Variants in ADAMTS17 observed in about 807,000 individuals in gnomAD.
ADAMTS17 encodes the protein ADAM metallopeptidase with thrombospondin type 1 motif 17, also known as A disintegrin and metalloproteinase with thrombospondin motifs 17.
In ADAMTS17, 113 loss-of-function variants were observed where a neutral mutation model predicts 141.5. That is an observed-to-expected ratio of 0.80 (90% CI 0.69 to 0.93). The LOEUF is 0.93. Ranked by LOEUF, ADAMTS17 falls within the 40% of genes least tolerant of loss-of-function variation. The pLI is 0.00. For missense variants in ADAMTS17, 1,659 were observed against 1,517.9 expected, an observed-to-expected ratio of 1.09 and a Z score of -1.54; for synonymous variants, 768 against 630.6, an observed-to-expected ratio of 1.22 and a Z score of -3.27.
chr15:100,123,391 C>A (rs1014944891), intron 12 of ADAMTS17, among the ~76,000 whole-genome samples: 1 of 152,220 alleles, frequency 6.6e-6, no homozygotes, highest in African/African-American at 2.4e-5. Flanking sequence ...GTTATCCCTT[C>A]CCAGGAGCTG....
intron 20 of ADAMTS17, among the ~76,000 whole-genome samples, chr15:99,988,170 A>G (rs1308334277): frequency 6.6e-6 from 1 of 151,900 alleles, no homozygotes; most frequent in Non-Finnish European, 1.5e-5. Context: ...GTCCCACCAA[A>G]TCTCATGCCG....
At chr15:100,296,581 GTGTGTGTGTGTGTGTGTGTGTGTA>G (rs2044825950) in intron 3 of ADAMTS17, among the ~76,000 whole-genome samples, 1 of 130,732 alleles carries the variant, frequency 7.6e-6, no homozygotes, top group Non-Finnish European at 1.5e-5. Flanking sequence ...GTGAGGGGGG[GTGTGTGTGTGTGTGTGTGTGTGTA>G]TGTGTGTGTG....
rs2044296253 is a variant in ADAMTS17 at position 100,281,857 on chromosome 15, C to A, written c.617-456G>T. 3.9e-5 allele frequency among the ~76,000 whole-genome samples: 6 copies of A among 152,178 alleles called. No homozygotes were observed. In the South Asian group the frequency reaches 1.2e-3, roughly 32 times the overall value. On this transcript the variant is annotated intron_variant, in intron 3 of 21. Coordinates refer to ENST00000268070, the MANE Select transcript of ADAMTS17 (RefSeq NM_139057.4). ...CCTGGGGGCTGGCATCCCAGTAACT[C>A]TTCTTGGACTCAGGAATCAGGAGCC...
chr15:100,202,123 C>G (rs72755249), intron 7 of ADAMTS17, among the ~76,000 whole-genome samples: 5,237 of 152,292 alleles, frequency 0.034, 111 homozygotes, highest in Middle Eastern at 0.075. Flanking sequence ...ACCACGGGCT[C>G]TGATGCAGAA....
chr15:100,068,725 G>A (rs2033742653), intron 15 of ADAMTS17, among the ~76,000 whole-genome samples: 1 of 152,132 alleles, frequency 6.6e-6, no homozygotes, highest in Non-Finnish European at 1.5e-5. Context: ...CAAACAGAAA[G>A]GATATCCACA....
rs77131683 is a variant in ADAMTS17 at position 100,189,363 on chromosome 15, G to A, written c.1181+9955C>T. ...GCTGAGTAAGCCGAGTGTGGACCAA[G>A]CAGCTGGCAGGAAGTTGGCTGCCTT... On this transcript the variant is annotated intron_variant, in intron 8 of 21. Coordinates refer to ENST00000268070, the MANE Select transcript of ADAMTS17 (RefSeq NM_139057.4). 7.2e-3 allele frequency among the ~76,000 whole-genome samples: 1,090 copies of A among 152,308 alleles called. 19 individuals are homozygous for A. The highest frequency in any genetic ancestry group is 0.024 in the African/African-American group (994 of 41,556).
intron 10 of ADAMTS17, among the ~76,000 whole-genome samples, chr15:100,141,248 T>C (rs140414213): frequency 7.2e-5 from 11 of 152,296 alleles, no homozygotes; most frequent in Non-Finnish European, 1.3e-4. Context: ...GCGGGAAGGT[T>C]TGAGCTGCTC....
rs2039903178 is a variant in ADAMTS17, at chr15:100,165,269, G to C, written c.1182-9949C>G. Among the ~76,000 whole-genome samples, 4 of 152,160 alleles carry C rather than the reference G, an allele frequency of 2.6e-5. No individual in the cohort carries two copies. The South Asian group carries it at 8.3e-4, about 32-fold the overall frequency. On this transcript the variant is annotated intron_variant, in intron 8 of 21. Transcript: ENST00000268070. ...CCTTTCTCCACTCCATCAGCTCTCAGAGCACAGCTGGACACAGGACTGGGA... is the reference window on the plus strand; with the variant it reads ...CCTTTCTCCACTCCATCAGCTCTCACAGCACAGCTGGACACAGGACTGGGA...
intron 15 of ADAMTS17, among the ~76,000 whole-genome samples, chr15:100,088,921 A>G (rs1373228417): frequency 6.6e-6 from 1 of 152,150 alleles, no homozygotes; most frequent in Non-Finnish European, 1.5e-5. Context: ...TTCAGGACAT[A>G]GGCATGGGCA....
At position 100,117,011 on chromosome 15, in the gene ADAMTS17, G is replaced by C; in HGVS notation, c.1724C>G (p.Pro575Arg). The C allele has an allele frequency of 1.2e-6, 2 of 1,608,248 alleles. No individual in the cohort carries two copies. The highest frequency in any genetic ancestry group is 1.7e-6 in the Non-Finnish European group (2 of 1,177,524). ...FRQRKCDNPP[P>R]GPGGTHCPGA... ...CGGGCAGTGTGTGCCTCCAGGCCCAGGGCTAGAAGGAAGAAGAAGGTCTGT... is the reference window on the plus strand; with the variant it reads ...CGGGCAGTGTGTGCCTCCAGGCCCACGGCTAGAAGGAAGAAGAAGGTCTGT... Residue 575 changes from proline (P) to arginine (R), a missense_variant and splice_region_variant, in exon 13 of 22, where the codon CCT (proline) becomes CGT (arginine). By Grantham distance (103) the Pro-to-Arg change is moderately radical. Coordinates refer to ENST00000268070, the MANE Select transcript of ADAMTS17 (RefSeq NM_139057.4).
intron 18 of ADAMTS17, among the ~76,000 whole-genome samples, chr15:100,043,993 G>A (rs575733187): frequency 5.3e-5 from 8 of 152,068 alleles, no homozygotes; most frequent in African/African-American, 1.7e-4. Flanking sequence ...ATGTCACTTT[G>A]TTTTGTAGGT....
chr15:100,285,199 T>A (rs1234323083), intron 3 of ADAMTS17, among the ~76,000 whole-genome samples: 1 of 152,242 alleles, frequency 6.6e-6, no homozygotes, highest in Non-Finnish European at 1.5e-5. Flanking sequence ...ATTTTATGTA[T>A]TTATGTAAGA....
intron 15 of ADAMTS17, among the ~76,000 whole-genome samples, chr15:100,070,406 T>C (rs376495521): frequency 2.7e-5 from 4 of 150,114 alleles, no homozygotes; most frequent in African/African-American, 4.9e-5. Context: ...TAGACATCTA[T>C]AGAACTCTCC....
intron 8 of ADAMTS17, among the ~76,000 whole-genome samples, chr15:100,170,108 G>A (rs985501107): frequency 2.6e-5 from 4 of 152,078 alleles, no homozygotes; most frequent in African/African-American, 9.7e-5. Context: ...ATGTTACGTG[G>A]GCACCAAGTC....
intron 20 of ADAMTS17, among the ~76,000 whole-genome samples, chr15:99,987,921 G>A (rs2060622820): frequency 6.6e-6 from 1 of 152,020 alleles, no homozygotes; most frequent in Admixed American, 6.6e-5. Flanking sequence ...CTTGGTTCAT[G>A]TCTATGCAGC....
chr15:100,062,088 T>G (rs1047376131), intron 15 of ADAMTS17, among the ~76,000 whole-genome samples: 1 of 151,474 alleles, frequency 6.6e-6, no homozygotes, highest in Non-Finnish European at 1.5e-5. Context: ...TTAGAATGCA[T>G]TTTTAAGTGT....
At chr15:100,063,668 T>C (rs1277750641) in intron 15 of ADAMTS17, 3 of 1,289,818 alleles carry the variant, frequency 2.3e-6, no homozygotes, top group East Asian at 1.1e-4. Flanking sequence ...GTCAAGTCAT[T>C]TGTGTTTTAC....
chr15:100,054,165 A>C, intron 15 of ADAMTS17, 111 bp from the exon 16 acceptor site: 4 of 1,214,482 alleles, frequency 3.3e-6, no homozygotes, highest in Non-Finnish European at 4.9e-6. Flanking sequence ...TCCCTTCCAC[A>C]GGGGGAAGGA....
At chr15:100,175,860 C>T (rs1163549071) in intron 8 of ADAMTS17, among the ~76,000 whole-genome samples, 2 of 151,926 alleles carry the variant, frequency 1.3e-5, no homozygotes, top group Admixed American at 1.3e-4. Context: ...CCCTCCAGTC[C>T]CAAGGCAGAT....
Sources: gnomAD v4.1 joint callset for allele counts (sites outside exome capture counted in the v4.1 genomes callset) on GRCh38, gnomAD v4.1.1 for gene constraint, MANE v1.5 for transcripts, NCBI Gene and HGNC (gene_info 2026-07-23, HGNC 2026-07-21) for gene names.